Variants in SMYD3 observed in about 807,000 individuals in gnomAD.
SMYD3 encodes the protein SET and MYND domain containing 3.
A neutral mutation model predicts 57.7 loss-of-function variants in SMYD3; 36 were observed. The observed-to-expected ratio is 0.62, with a 90% CI of 0.48 to 0.82. The LOEUF is 0.82. Among genes scored for constraint, SMYD3 ranks in the 40% least tolerant of loss-of-function variants. The probability of loss-of-function intolerance (pLI) is 0.00; values close to 1 mark genes in which losing one functional copy is unlikely to be tolerated. For missense variants in SMYD3, 515 were observed against 538.8 expected (o/e 0.96, Z 0.44); for synonymous variants, 211 against 195.0 (o/e 1.08, Z -0.68).
intron 10 of SMYD3, among the ~76,000 whole-genome samples, chr1:245,848,282 T>A (rs2050768807): frequency 6.6e-6 from 1 of 151,156 alleles, no homozygotes; most frequent in African/African-American, 2.4e-5. Flanking sequence ...TTTTTCTGTG[T>A]GTGTGTGTGT....
chr1:246,042,286 A>G (rs1221491382), intron 5 of SMYD3, among the ~76,000 whole-genome samples: 1 of 152,220 alleles, frequency 6.6e-6, no homozygotes, highest in African/African-American at 2.4e-5. Context: ...TAAATATTTT[A>G]AGAATGGAGA....
intron 5 of SMYD3, among the ~76,000 whole-genome samples, chr1:246,104,392 A>C (rs2061078276): frequency 6.6e-6 from 1 of 152,268 alleles, no homozygotes; most frequent in South Asian, 2.1e-4. Context: ...GCTGTTCACC[A>C]GAGACTGTTG....
rs369186732 is a variant in SMYD3 at position 245,951,047 on chromosome 1, G to A, written c.532-21110C>T. Among the ~76,000 whole-genome samples the A allele has an allele frequency of 3.9e-5, 6 of 152,102 alleles. No individual in the cohort carries two copies. In the East Asian group the frequency reaches 5.8e-4, roughly 15 times the overall value. ...GAGAGCACCAGCTCTCAAGATCACA[G>A]GACATATAAGGTAAGTGATGAAGGA... On this transcript the variant is annotated intron_variant, in intron 5 of 11. Coordinates refer to ENST00000490107, the MANE Select transcript of SMYD3 (RefSeq NM_001167740.2).
intron 5 of SMYD3, among the ~76,000 whole-genome samples, chr1:246,231,245 T>G (rs2148447885): frequency 6.6e-6 from 1 of 152,302 alleles, no homozygotes; most frequent in Non-Finnish European, 1.5e-5. Context: ...ATAGGTATAT[T>G]TTCTCTGGTT....
At chr1:246,341,474 A>G (rs370189035) in intron 2 of SMYD3, among the ~76,000 whole-genome samples, 2 of 152,216 alleles carry the variant, frequency 1.3e-5, no homozygotes, top group African/African-American at 4.8e-5. Flanking sequence ...CTTGCATGAA[A>G]CAGGTGTTCA....
intron 10 of SMYD3, among the ~76,000 whole-genome samples, chr1:245,787,340 G>A (rs7555819): frequency 0.36 from 54,479 of 151,986 alleles, 12,896 homozygotes; most frequent in African/African-American, 0.68. Flanking sequence ...CTTCAGGCTC[G>A]TAAGTTCCCG....
At chr1:245,923,176 G>GT (rs1189051911) in intron 7 of SMYD3, among the ~76,000 whole-genome samples, 2 of 152,026 alleles carry the variant, frequency 1.3e-5, no homozygotes, top group African/African-American at 2.4e-5. Context: ...TGTTTCGTTT[G>GT]TGATATCCCA....
At position 246,481,924 on chromosome 1, in the gene SMYD3, A is replaced by G. The variant is rs538309788; in HGVS notation, c.164+25130T>C. On this transcript the variant is annotated intron_variant, in intron 1 of 11. Coordinates refer to ENST00000490107, the MANE Select transcript of SMYD3 (RefSeq NM_001167740.2). The stretch of plus-strand genomic sequence containing the variant: ...GCAATCCCAGCACTTTGGGAGGCCA[A>G]AGCAGGAGGATCACTCGAGTCCTGG... Among the ~76,000 whole-genome samples the G allele has an allele frequency of 7.2e-5, 11 of 151,940 alleles. No homozygotes were observed. In the East Asian group the frequency reaches 1.6e-3, roughly 21 times the overall value.
intron 5 of SMYD3, among the ~76,000 whole-genome samples, chr1:245,991,083 C>A (rs2058804444): frequency 6.6e-6 from 1 of 152,154 alleles, no homozygotes; most frequent in Non-Finnish European, 1.5e-5. Flanking sequence ...TCAAACATTC[C>A]TCTTATATTC....
intron 10 of SMYD3, among the ~76,000 whole-genome samples, chr1:245,773,832 T>C (rs954651773): frequency 6.6e-6 from 1 of 152,214 alleles, no homozygotes; most frequent in African/African-American, 2.4e-5. Context: ...TCTATCCTTG[T>C]GTGGGATAAA....
intron 8 of SMYD3, among the ~76,000 whole-genome samples, chr1:245,870,082 T>A (rs1263096398): frequency 6.6e-6 from 1 of 152,124 alleles, no homozygotes; most frequent in Non-Finnish European, 1.5e-5. Context: ...GGTAAATCAC[T>A]CGGTAAATAT....
Position 246,083,849 on chromosome 1 carries a change from T to C in SMYD3, c.532-153912A>G, listed in dbSNP as rs1013759543. 3.9e-5 allele frequency among the ~76,000 whole-genome samples: 6 copies of C among 152,170 alleles called. No individual in the cohort carries two copies. In the East Asian group the frequency reaches 9.6e-4, roughly 24 times the overall value. On this transcript the variant is annotated intron_variant, in intron 5 of 11. Coordinates refer to ENST00000490107, the MANE Select transcript of SMYD3 (RefSeq NM_001167740.2). ...ACAATACACACATAAAGGTCACAAT[T>C]TGTATTTGCTCAAGAATCATATAAC...
At chr1:246,308,682 T>C (rs1019135026) in intron 5 of SMYD3, among the ~76,000 whole-genome samples, 2 of 152,328 alleles carry the variant, frequency 1.3e-5, no homozygotes, top group Admixed American at 6.5e-5. Context: ...TCCAGAATTT[T>C]ATGTTCAGTG....
At chr1:246,082,747 G>A (rs1049532379) in intron 5 of SMYD3, among the ~76,000 whole-genome samples, 1 of 152,146 alleles carries the variant, frequency 6.6e-6, no homozygotes, top group Non-Finnish European at 1.5e-5. Flanking sequence ...GTAGACATAA[G>A]AGACTCCATT....
chr1:246,207,763 TA>T (rs1335262626), intron 5 of SMYD3, among the ~76,000 whole-genome samples: 5 of 152,146 alleles, frequency 3.3e-5, no homozygotes. Flanking sequence ...ATGTGCCTGG[TA>T]GGGGAGAATT....
intron 1 of SMYD3, among the ~76,000 whole-genome samples, chr1:246,479,502 A>ATTTTTTTTT (rs35818746): frequency 8.4e-5 from 9 of 107,634 alleles, no homozygotes; most frequent in Non-Finnish European, 1.2e-4. Context: ...AAAAAGCGGG[A>ATTTTTTTTT]TTTTTTTTTT....
intron 5 of SMYD3, among the ~76,000 whole-genome samples, chr1:246,060,732 TAAAG>T (rs1222625975): frequency 3.3e-5 from 5 of 152,276 alleles, no homozygotes; most frequent in Middle Eastern, 3.4e-3. Flanking sequence ...TCAGCTCCCA[TAAAG>T]AAAGACATCC....
intron 5 of SMYD3, among the ~76,000 whole-genome samples, chr1:246,080,948 T>C (rs549215136): frequency 1.2e-4 from 18 of 152,296 alleles, no homozygotes; most frequent in African/African-American, 1.7e-4. Context: ...ATGGAATGCA[T>C]GTATATTTTC....
At chr1:245,934,681 T>C (rs757581291) in intron 5 of SMYD3, among the ~76,000 whole-genome samples, 8 of 152,150 alleles carry the variant, frequency 5.3e-5, no homozygotes, top group African/African-American at 9.7e-5. Flanking sequence ...TAAATGATGA[T>C]TCGCAAATCC....
Sources: gnomAD v4.1 joint callset for allele counts (sites outside exome capture counted in the v4.1 genomes callset) on GRCh38, gnomAD v4.1.1 for gene constraint, MANE v1.5 for transcripts, NCBI Gene and HGNC (gene_info 2026-07-23, HGNC 2026-07-21) for gene names.